The following ACBD6 variants were observed in gnomAD, a reference collection of about 807,000 sequenced individuals.
ACBD6 encodes the protein acyl-CoA-binding domain-containing protein 6.
In ACBD6, 28 loss-of-function variants were observed where a neutral mutation model predicts 37.2. The observed-to-expected ratio is 0.75, with a 90% CI of 0.56 to 1.03. ACBD6 has a LOEUF of 1.03. Ranked by LOEUF, ACBD6 falls within the 50% of genes least tolerant of loss-of-function variation. The probability of loss-of-function intolerance (pLI) is 0.00; values close to 1 mark genes in which losing one functional copy is unlikely to be tolerated. For missense variants in ACBD6, 340 were observed against 337.4 expected, an observed-to-expected ratio of 1.01 and a Z score of -0.06; for synonymous variants, 113 against 126.8, an observed-to-expected ratio of 0.89 and a Z score of 0.73.
chr1:180,271,767 G>C, exon 14 of ACBD6: 1 of 1,575,560 alleles, frequency 6.3e-7, no homozygotes. Context: ...CGCCCGCCTA[G>C]GGGGTCCTGG....
chr1:180,274,078 C>A, exon 11 of ACBD6: 1 of 1,415,844 alleles, frequency 7.1e-7, no homozygotes. Context: ...AAGGCAGCTG[C>A]CATCCTTGGG....
At chr1:180,299,202 A>G (rs959282497) in intron 7 of ACBD6, among the ~76,000 whole-genome samples, 2 of 152,216 alleles carry the variant, frequency 1.3e-5, no homozygotes, top group Non-Finnish European at 2.9e-5. Context: ...CACAAGTCAT[A>G]ATGTAGAGTC....
intron 7 of ACBD6, among the ~76,000 whole-genome samples, chr1:180,297,243 C>T (rs1416905331): frequency 1.3e-5 from 2 of 152,148 alleles, no homozygotes; most frequent in African/African-American, 2.4e-5. Flanking sequence ...ACAGAGCCGA[C>T]AGCCAAAACC....
At chr1:180,410,673 A>AC (rs1324171659) in intron 5 of ACBD6, among the ~76,000 whole-genome samples, 1 of 152,186 alleles carries the variant, frequency 6.6e-6, no homozygotes, top group African/African-American at 2.4e-5. Flanking sequence ...GAAAAAAAAA[A>AC]ACATTCCTTT....
downstream of ACBD6, among the ~76,000 whole-genome samples, chr1:180,287,877 C>T (rs1649555435): frequency 6.6e-6 from 1 of 152,104 alleles, no homozygotes; most frequent in Admixed American, 6.6e-5. Context: ...CTTAACATCC[C>T]TCTTCTTTCC....
At chr1:180,494,460 C>T (rs1651648646) in intron 2 of ACBD6, among the ~76,000 whole-genome samples, 1 of 152,162 alleles carries the variant, frequency 6.6e-6, no homozygotes, top group South Asian at 2.1e-4. Context: ...CAATGCACTG[C>T]TTCCTTCACT....
At chr1:180,352,376 A>G (rs903718425) in intron 6 of ACBD6, among the ~76,000 whole-genome samples, 2 of 152,104 alleles carry the variant, frequency 1.3e-5, no homozygotes, top group Non-Finnish European at 2.9e-5. Flanking sequence ...CCTGAGGATC[A>G]GGAGGTTTTC....
At chr1:180,487,376 G>C (rs1393966404) in intron 3 of ACBD6, among the ~76,000 whole-genome samples, 1 of 152,016 alleles carries the variant, frequency 6.6e-6, no homozygotes, top group African/African-American at 2.4e-5. Context: ...GCACCATTCT[G>C]GGCAGTGTGA....
intron 6 of ACBD6, among the ~76,000 whole-genome samples, chr1:180,365,234 A>T (rs1036641859): frequency 6.6e-6 from 1 of 152,232 alleles, no homozygotes; most frequent in Non-Finnish European, 1.5e-5. Context: ...AAAGCCTGTC[A>T]ACAGAGGGCA....
chr1:180,422,330 T>A (rs1010641362), intron 4 of ACBD6, among the ~76,000 whole-genome samples: 9 of 152,072 alleles, frequency 5.9e-5, no homozygotes, highest in Admixed American at 1.3e-4. Context: ...CTCTGACTTC[T>A]GAGCAGCTAG....
intron 3 of ACBD6, among the ~76,000 whole-genome samples, chr1:180,455,616 G>A (rs572912309): frequency 6.6e-5 from 10 of 152,178 alleles, no homozygotes; most frequent in African/African-American, 2.4e-4. Context: ...GGTTTGATTT[G>A]CTGAAAAATT....
chr1:180,441,328 C>A (rs1282453720), intron 3 of ACBD6, among the ~76,000 whole-genome samples: 1 of 152,152 alleles, frequency 6.6e-6, no homozygotes, highest in East Asian at 1.9e-4. Context: ...ATCCTTATAC[C>A]AGTACCATAC....
chr1:180,356,499 C>T (rs905970991), intron 6 of ACBD6, among the ~76,000 whole-genome samples: 3 of 151,584 alleles, frequency 2.0e-5, no homozygotes, highest in Non-Finnish European at 2.9e-5. Flanking sequence ...AAATTAACAT[C>T]GTATATACAG....
At chr1:180,415,491 C>G (rs1648050332) in intron 4 of ACBD6, among the ~76,000 whole-genome samples, 1 of 152,078 alleles carries the variant, frequency 6.6e-6, no homozygotes, top group Non-Finnish European at 1.5e-5. Context: ...GACCTACTTT[C>G]TTCCAATCCA....
chr1:180,399,902 T>C (rs574619757), intron 5 of ACBD6, among the ~76,000 whole-genome samples: 99 of 13,318 alleles, frequency 7.4e-3, no homozygotes, highest in African/African-American at 0.012. Context: ...TGACAAGAGT[T>C]ATACATAGTT....
At chr1:180,469,608 T>TATG (rs928112189) in intron 3 of ACBD6, among the ~76,000 whole-genome samples, 1 of 152,198 alleles carries the variant, frequency 6.6e-6, no homozygotes, top group African/African-American at 2.4e-5. Context: ...ATTAAAGGAA[T>TATG]ATGAGTTAGA....
chr1:180,479,680 C>T (rs1650946803), intron 3 of ACBD6, among the ~76,000 whole-genome samples: 1 of 152,286 alleles, frequency 6.6e-6, no homozygotes, highest in Admixed American at 6.5e-5. Context: ...CAAAATTTCA[C>T]AGGTACCCCA....
At chr1:180,495,387 G>T in intron 2 of ACBD6, 74 bp downstream of exon 2, 1 of 1,082,286 alleles carries the variant, frequency 9.2e-7, no homozygotes, top group Non-Finnish European at 1.4e-6. Flanking sequence ...TCTTTAATCA[G>T]CTCACTGCTT....
intron 7 of ACBD6, among the ~76,000 whole-genome samples, chr1:180,303,874 C>T (rs1273796383): frequency 4.6e-5 from 7 of 150,652 alleles, no homozygotes; most frequent in African/African-American, 1.2e-4. Flanking sequence ...ACTGGCAAAC[C>T]GAATCCAGCA....
Sources: allele counts gnomAD v4.1 joint callset (sites outside exome capture counted in the v4.1 genomes callset), GRCh38; gene constraint gnomAD v4.1.1; transcripts MANE v1.5; gene names NCBI Gene and HGNC (gene_info 2026-07-23, HGNC 2026-07-21).